The following PNPT1 variants were observed in gnomAD, a reference collection of about 807,000 sequenced individuals.
The protein encoded by PNPT1 is polyribonucleotide nucleotidyltransferase 1, mitochondrial.
In PNPT1, 53 loss-of-function variants were observed where a neutral mutation model predicts 119.5. That is an observed-to-expected ratio of 0.44 (90% CI 0.36 to 0.56). The LOEUF is 0.56. Ranked by LOEUF, PNPT1 falls within the 20% of genes least tolerant of loss-of-function variation. The pLI, the probability that PNPT1 is intolerant of heterozygous loss-of-function variation, is 0.00. For synonymous variants in PNPT1, 357 were observed against 322.1 expected (o/e 1.11, Z -1.16); for missense variants, 948 against 938.5 (o/e 1.01, Z -0.13).
At chr2:55,667,184 G>C (rs186839746) in intron 12 of PNPT1, 91 bp from the exon 13 acceptor site, 8 of 900,358 alleles carry the variant, frequency 8.9e-6, no homozygotes, top group Non-Finnish European at 1.4e-5. Flanking sequence ...CTCAACCTCA[G>C]TTGTGTATCA....
At chr2:55,677,310 T>C (rs1458616112) in intron 8 of PNPT1, among the ~76,000 whole-genome samples, 2 of 152,334 alleles carry the variant, frequency 1.3e-5, no homozygotes, top group East Asian at 3.9e-4. Flanking sequence ...ATTCCTTGGT[T>C]CTGCTGGGTG....
chr2:55,669,111 T>G (rs1696827146), intron 11 of PNPT1, among the ~76,000 whole-genome samples: 1 of 152,268 alleles, frequency 6.6e-6, no homozygotes, highest in East Asian at 1.9e-4. Flanking sequence ...ATGATTCCCA[T>G]TCTACAGAAG....
At chr2:55,657,831 C>T (rs71414570) in intron 15 of PNPT1, among the ~76,000 whole-genome samples, 7 of 92,286 alleles carry the variant, frequency 7.6e-5, no homozygotes, top group Non-Finnish European at 1.4e-4. Flanking sequence ...AGTCAAATGG[C>T]TATGGGGCTT....
intron 13 of PNPT1, among the ~76,000 whole-genome samples, chr2:55,664,856 C>T (rs1696686982): frequency 6.6e-6 from 1 of 151,936 alleles, no homozygotes; most frequent in Non-Finnish European, 1.5e-5. Context: ...TCATTGTAGA[C>T]TATAACTTAA....
intron 27 of PNPT1, 107 bp from the exon 28 acceptor site, chr2:55,636,499 T>C: frequency 8.3e-7 from 1 of 1,210,652 alleles, no homozygotes; most frequent in South Asian, 1.5e-5. Flanking sequence ...TGATTGTTTT[T>C]ACTTGTTCAC....
intron 11 of PNPT1, 74 bp downstream of exon 11, chr2:55,671,245 G>C: frequency 2.8e-6 from 2 of 718,766 alleles, no homozygotes; most frequent in East Asian, 6.4e-5. Flanking sequence ...TTAATCCCAA[G>C]AAGCAAGAGT....
At position 55,646,400 on chromosome 2, in the gene PNPT1, G is replaced by A; in HGVS notation, c.1674+15C>T. The A allele has an allele frequency of 1.2e-6, 2 of 1,609,232 alleles. No homozygotes were observed. Among genetic ancestry groups the A allele is most frequent in the Admixed American group, 1.7e-5 (1 of 59,390 alleles). Reference sequence around the variant, plus strand: ...AAATGTTACAAAAATGAAACAAAATGGGTTTTAAAAATACCTGTAATGCAG... The same window carrying A: ...AAATGTTACAAAAATGAAACAAAATAGGTTTTAAAAATACCTGTAATGCAG... On this transcript the variant is annotated intron_variant, in intron 20 of 27. Coordinates refer to ENST00000447944, the MANE Select transcript of PNPT1 (RefSeq NM_033109.5).
intron 13 of PNPT1, among the ~76,000 whole-genome samples, chr2:55,665,863 C>A (rs973455626): frequency 6.6e-6 from 1 of 152,056 alleles, no homozygotes; most frequent in Non-Finnish European, 1.5e-5. Context: ...ATATGGTACA[C>A]AGAACAATGA....
chr2:55,645,299 CA>C, intron 22 of PNPT1, 49 bp downstream of exon 22: 1 of 1,303,526 alleles, frequency 7.7e-7, no homozygotes. Context: ...GCTGGGATTA[CA>C]GGCGTGAGCC....
intron 10 of PNPT1, 45 bp downstream of exon 10, chr2:55,671,950 G>A (rs754910084): frequency 7.1e-7 from 1 of 1,415,516 alleles, no homozygotes; most frequent in Non-Finnish European, 9.7e-7. Context: ...TGACAAAAAT[G>A]TATTCCTAGG....
chr2:55,683,737 G>A (rs1222504174), intron 5 of PNPT1, 48 bp downstream of exon 5: 1 of 1,500,872 alleles, frequency 6.7e-7, no homozygotes, highest in East Asian at 2.3e-5. Context: ...GATTCATTAA[G>A]TAATTTTTGA....
At chr2:55,638,234 A>G (rs1284029907) in intron 26 of PNPT1, among the ~76,000 whole-genome samples, 1 of 151,540 alleles carries the variant, frequency 6.6e-6, no homozygotes, top group Non-Finnish European at 1.5e-5. Context: ...TCTGGGAGGC[A>G]GAGGTTGCAG....
At position 55,635,228 on chromosome 2, in the gene PNPT1, G is replaced by A. The variant is rs1695629675; in HGVS notation, c.*1009C>T. The stretch of plus-strand genomic sequence containing the variant: ...CAAACATCTATTAACCGAAAGTCAT[G>A]ATCCTTCAGCTCTTATACTAAGAAC... On this transcript the variant is annotated 3_prime_UTR_variant, in exon 28 of 28. Transcript: ENST00000447944. 6.6e-6 allele frequency: 1 copy of A among 152,102 alleles called. No individual in the cohort carries two copies. Among genetic ancestry groups the A allele is most frequent in the African/African-American group, 2.4e-5 (1 of 41,416 alleles). 9.4% of individuals were successfully genotyped at this position (152,102 alleles called of 1,614,324 possible). A position where few individuals can be genotyped will look rare whatever the true frequency, so the allele number is the denominator to read the frequency against.
chr2:55,666,672 T>G (rs2104105661), intron 13 of PNPT1, among the ~76,000 whole-genome samples: 1 of 152,160 alleles, frequency 6.6e-6, no homozygotes, highest in Non-Finnish European at 1.5e-5. Flanking sequence ...AGACCTTGTC[T>G]CTACAAAAAA....
chr2:55,637,422 T>C lies in PNPT1; in HGVS notation c.2196+130A>G. The C allele has an allele frequency of 3.7e-6, 3 of 804,884 alleles. No individual in the cohort carries two copies. The South Asian group carries it at 4.9e-5, about 13-fold the overall frequency. 49.9% of individuals were successfully genotyped at this position (804,884 alleles called of 1,614,324 possible). On this transcript the variant is annotated intron_variant, in intron 27 of 27. Coordinates refer to ENST00000447944, the MANE Select transcript of PNPT1 (RefSeq NM_033109.5). The stretch of plus-strand genomic sequence containing the variant: ...GAGTCTGTTCAAGCAATTCTAAGAT[T>C]AAAAATGAAGTACTGCATACAAATA...
chr2:55,669,870 T>C (rs1282780247), intron 11 of PNPT1, among the ~76,000 whole-genome samples: 3 of 151,600 alleles, frequency 2.0e-5, no homozygotes, highest in Non-Finnish European at 4.4e-5. Context: ...GTGATTCTCA[T>C]GCCTCAGCCT....
chr2:55,673,206 T>G, intron 8 of PNPT1, 127 bp from the exon 9 acceptor site: 1 of 689,098 alleles, frequency 1.5e-6, no homozygotes, highest in East Asian at 3.1e-5. Flanking sequence ...AGATCCACCT[T>G]GATTTCTTTC....
chr2:55,667,766 G>T, intron 12 of PNPT1, 96 bp downstream of exon 12: 1 of 1,457,300 alleles, frequency 6.9e-7, no homozygotes. Flanking sequence ...CTGTTCACTT[G>T]AAAAAAAACA....
chr2:55,647,550 C>T (rs1340806896), intron 18 of PNPT1, 97 bp from the exon 19 acceptor site: 15 of 804,292 alleles, frequency 1.9e-5, no homozygotes, highest in African/African-American at 1.2e-4. Context: ...GAGGGAGTCT[C>T]GGTCTGTTGC....
Sources: allele counts gnomAD v4.1 joint callset (sites outside exome capture counted in the v4.1 genomes callset), GRCh38; gene constraint gnomAD v4.1.1; transcripts MANE v1.5; gene names NCBI Gene and HGNC (gene_info 2026-07-23, HGNC 2026-07-21).